CNTN4: variants seen among roughly 807,000 people sequenced by gnomAD.
CNTN4 encodes contactin 4.
In CNTN4, 77 loss-of-function variants were observed where a neutral mutation model predicts 122.5. The observed-to-expected ratio is 0.63, with a 90% CI of 0.52 to 0.76. CNTN4 has a LOEUF of 0.76. Ranked by LOEUF, CNTN4 falls within the 30% of genes least tolerant of loss-of-function variation. CNTN4 has a pLI of 0.00. For synonymous variants in CNTN4, 512 were observed against 447.0 expected (o/e 1.15, Z -1.83); for missense variants, 1,256 against 1,259.1 (o/e 1.00, Z 0.04).
chr3:2,333,147 A>G (rs931154103), intron 2 of CNTN4, among the ~76,000 whole-genome samples: 2 of 152,214 alleles, frequency 1.3e-5, no homozygotes, highest in African/African-American at 2.4e-5. Flanking sequence ...GATGAGCAGC[A>G]TAAGCCATTC....
intron 3 of CNTN4, among the ~76,000 whole-genome samples, chr3:2,403,031 T>A (rs989557845): frequency 6.6e-5 from 10 of 152,096 alleles, no homozygotes; most frequent in Non-Finnish European, 1.0e-4. Flanking sequence ...AGGGTTCGTT[T>A]CTTTTGAGGT....
At chr3:3,046,951 AC>A (rs1295441613) in intron 23 of CNTN4, among the ~76,000 whole-genome samples, 7 of 137,030 alleles carry the variant, frequency 5.1e-5, no homozygotes, top group Admixed American at 2.2e-4. Flanking sequence ...GAAATGGAAA[AC>A]AAAAAAAAGG....
At chr3:2,099,835 G>C (rs1158646347) in intron 1 of CNTN4, 2 of 152,442 alleles carry the variant, frequency 1.3e-5, no homozygotes, top group African/African-American at 2.4e-5. Context: ...TCTCCTTCTG[G>C]AACGCGGGGC....
rs1183720471 is a variant in CNTN4 at position 2,287,779 on chromosome 3, GAGA to G, written c.-144-51392_-144-51390del. On this transcript the variant is annotated intron_variant, in intron 2 of 24. Transcript: ENST00000418658. ...GAAGAAGAAGAAGAAGAAGAAGAAG[GAGA>G]AGAAGAGGAGGAAGGGGAAGGTGAG... is the stretch of plus-strand genomic sequence containing the variant. Among the ~76,000 whole-genome samples, 2 of 139,894 alleles carry G rather than the reference GAGA, an allele frequency of 1.4e-5. 1 individual carries two copies. The highest frequency in any genetic ancestry group is 1.4e-4 in the Admixed American group (2 of 14,304). The allele number at this position is 139,894 out of a possible 152,430, so 91.8% of individuals were successfully genotyped here.
chr3:2,268,813 T>C (rs2041156868), intron 2 of CNTN4, among the ~76,000 whole-genome samples: 1 of 152,172 alleles, frequency 6.6e-6, no homozygotes, highest in Non-Finnish European at 1.5e-5. Flanking sequence ...AGTTAAAACA[T>C]GTAAGATATA....
chr3:2,429,719 A>G (rs1220342875), intron 3 of CNTN4, among the ~76,000 whole-genome samples: 2 of 152,300 alleles, frequency 1.3e-5, no homozygotes, highest in East Asian at 1.9e-4. Context: ...CTTGAGCTGC[A>G]GTGGGCTCCA....
chr3:2,631,877 AAC>A (rs1244598521), intron 4 of CNTN4, among the ~76,000 whole-genome samples: 53 of 128,550 alleles, frequency 4.1e-4, no homozygotes, highest in African/African-American at 2.0e-3. Context: ...AAAAAAAAAA[AAC>A]AAAAAAAAAC....
At chr3:2,825,788 A>G (rs1275040612) in intron 7 of CNTN4, among the ~76,000 whole-genome samples, 1 of 152,178 alleles carries the variant, frequency 6.6e-6, no homozygotes, top group Non-Finnish European at 1.5e-5. Context: ...GAGTATATTT[A>G]AAAAAGAAAA....
intron 4 of CNTN4, among the ~76,000 whole-genome samples, chr3:2,607,688 C>T (rs1576196814): frequency 6.8e-6 from 1 of 147,776 alleles, no homozygotes; most frequent in East Asian, 2.0e-4. Context: ...CAGAAAACTT[C>T]AGTGAATAAA....
chr3:2,227,567 C>G (rs11714668), intron 2 of CNTN4, among the ~76,000 whole-genome samples: 1 of 152,026 alleles, frequency 6.6e-6, no homozygotes, highest in South Asian at 2.1e-4. Context: ...TTCATCTTCT[C>G]TCTCTCTGCA....
chr3:2,208,040 A>G lies in CNTN4; in HGVS notation c.-145+107401A>G, dbSNP rs193212475. ...TGATATTATCTCCTTGCCTGTTAAC[A>G]TAATATCCTTTCTGCAGTTCATTGA... On this transcript the variant is annotated intron_variant, in intron 2 of 24. Coordinates refer to ENST00000418658, the MANE Select transcript of CNTN4 (RefSeq NM_175607.3). Among the ~76,000 whole-genome samples, 527 of 152,270 alleles carry G rather than the reference A, an allele frequency of 3.5e-3. 5 individuals are homozygous for G. The highest frequency in any genetic ancestry group is 0.012 in the African/African-American group (508 of 41,578).
At chr3:2,306,493 T>C (rs2042710143) in intron 2 of CNTN4, among the ~76,000 whole-genome samples, 1 of 152,214 alleles carries the variant, frequency 6.6e-6, no homozygotes, top group African/African-American at 2.4e-5. Flanking sequence ...AACTGGGTCT[T>C]TTTTCAATAT....
At chr3:2,329,166 A>T (rs911807219) in intron 2 of CNTN4, among the ~76,000 whole-genome samples, 12 of 152,246 alleles carry the variant, frequency 7.9e-5, no homozygotes, top group Non-Finnish European at 1.3e-4. Context: ...TCAAATGTTT[A>T]CAAAATAAAA....
rs139361969 is a variant in CNTN4, at chr3:2,191,553, A to G, written c.-145+90914A>G. ...GCCACTAGGTTGATCCCTCTCTTCCATGACACCTCTAGCCCGTAAATATTT... is the reference window on the plus strand; with the variant it reads ...GCCACTAGGTTGATCCCTCTCTTCCGTGACACCTCTAGCCCGTAAATATTT... On this transcript the variant is annotated intron_variant, in intron 2 of 24. Transcript: ENST00000418658. 1.4e-3 allele frequency among the ~76,000 whole-genome samples: 212 copies of G among 152,112 alleles called. 1 individual carries two copies. The Middle Eastern group carries it at 0.044, about 32-fold the overall frequency.
chr3:2,834,621 G>T (rs1340752674), intron 7 of CNTN4, among the ~76,000 whole-genome samples: 2 of 151,980 alleles, frequency 1.3e-5, no homozygotes, highest in East Asian at 1.9e-4. Context: ...TTTAACCAGA[G>T]ACTCAAAATA....
chr3:2,324,327 G>A (rs534661257), intron 2 of CNTN4, among the ~76,000 whole-genome samples: 1 of 152,106 alleles, frequency 6.6e-6, no homozygotes, highest in South Asian at 2.1e-4. Flanking sequence ...ATTGCTTCTT[G>A]TAAGATACAC....
intron 3 of CNTN4, among the ~76,000 whole-genome samples, chr3:2,522,681 T>G (rs1311400364): frequency 6.6e-6 from 1 of 151,896 alleles, no homozygotes; most frequent in Non-Finnish European, 1.5e-5. Context: ...AGATTCTGAT[T>G]CAGTTAGACT....
intron 4 of CNTN4, among the ~76,000 whole-genome samples, chr3:2,638,600 CAAAA>C (rs2082768656): frequency 6.6e-6 from 1 of 151,966 alleles, no homozygotes; most frequent in South Asian, 2.1e-4. Context: ...ATTCACAACT[CAAAA>C]ACTGTATCAG....
chr3:2,862,757 A>T (rs1219831245), intron 7 of CNTN4, among the ~76,000 whole-genome samples: 1 of 151,984 alleles, frequency 6.6e-6, no homozygotes, highest in Non-Finnish European at 1.5e-5. Context: ...AGAAAAGTTT[A>T]TTTTGTTTTA....
Sources: gnomAD v4.1 joint callset for allele counts (sites outside exome capture counted in the v4.1 genomes callset) on GRCh38, gnomAD v4.1.1 for gene constraint, MANE v1.5 for transcripts, NCBI Gene and HGNC (gene_info 2026-07-23, HGNC 2026-07-21) for gene names.